IGFBP7: variants seen among roughly 807,000 people sequenced by gnomAD.
IGFBP7 encodes insulin like growth factor binding protein 7, also known as insulin-like growth factor-binding protein 7.
A neutral mutation model predicts 29.4 loss-of-function variants in IGFBP7; 31 were observed. The observed-to-expected ratio is 1.05, with a 90% CI of 0.79 to 1.42. The LOEUF is 1.42. IGFBP7 is among the 40% of genes most tolerant of loss of function. The pLI is 0.00. For synonymous variants in IGFBP7, 172 were observed against 174.9 expected (o/e 0.98, Z 0.13); for missense variants, 393 against 395.5 (o/e 0.99, Z 0.05).
chr4:57,033,412 TCTA>T lies in IGFBP7; in HGVS notation c.586-104_586-102del, dbSNP rs1723997695. On this transcript the variant is annotated intron_variant, in intron 2 of 4. Coordinates refer to ENST00000295666, the MANE Select transcript of IGFBP7 (RefSeq NM_001553.3). The stretch of plus-strand genomic sequence containing the variant: ...ATTGCACATAGTGTATGTCAGACTT[TCTA>T]ACAGAGTAAACCCAGCATTTCACTG... The T allele has an allele frequency of 7.4e-6, 6 of 806,950 alleles. No homozygotes were observed. In the Admixed American group the frequency reaches 1.0e-4, roughly 14 times the overall value. The allele number at this position is 806,950 out of a possible 1,614,324, so 50.0% of individuals were successfully genotyped here. A position where few individuals can be genotyped will look rare whatever the true frequency, so the allele number is the denominator to read the frequency against.
chr4:57,050,931 A>G (rs574115288), intron 1 of IGFBP7, among the ~76,000 whole-genome samples: 1 of 152,228 alleles, frequency 6.6e-6, no homozygotes, highest in Admixed American at 6.5e-5. Context: ...TAGATTTGCA[A>G]ACAACACTCA....
At chr4:57,076,194 AT>A (rs2109781641) in intron 1 of IGFBP7, among the ~76,000 whole-genome samples, 1 of 152,250 alleles carries the variant, frequency 6.6e-6, no homozygotes, top group South Asian at 2.1e-4. Context: ...GTCTCTTCTT[AT>A]AGCACACTAA....
intron 1 of IGFBP7, among the ~76,000 whole-genome samples, chr4:57,106,206 GC>G (rs975313949): frequency 1.8e-4 from 28 of 152,174 alleles, no homozygotes; most frequent in Admixed American, 7.8e-4. Context: ...GCGCCTGGCT[GC>G]CCATTTTTAA....
At chr4:57,038,455 C>T (rs1462152059) in intron 2 of IGFBP7, among the ~76,000 whole-genome samples, 2 of 152,116 alleles carry the variant, frequency 1.3e-5, no homozygotes, top group Admixed American at 6.6e-5. Flanking sequence ...GGATCCCGCC[C>T]CGCTTTTTGT....
intron 1 of IGFBP7, among the ~76,000 whole-genome samples, chr4:57,091,801 G>C (rs747723906): frequency 6.6e-6 from 1 of 152,164 alleles, no homozygotes; most frequent in Non-Finnish European, 1.5e-5. Flanking sequence ...GAGAAACAAG[G>C]CTTTGCCAGC....
chr4:57,038,793 G>A (rs1397856198), intron 2 of IGFBP7, among the ~76,000 whole-genome samples: 1 of 151,920 alleles, frequency 6.6e-6, no homozygotes, highest in African/African-American at 2.4e-5. Flanking sequence ...ACGACCAGGC[G>A]CGGTGGCTCA....
chr4:57,067,135 G>A (rs1301694031), intron 1 of IGFBP7, among the ~76,000 whole-genome samples: 1 of 152,100 alleles, frequency 6.6e-6, no homozygotes, highest in Non-Finnish European at 1.5e-5. Context: ...CCAAGAAGAT[G>A]TCTGCAATGA....
At position 57,033,267 on chromosome 4, in the gene IGFBP7, A is replaced by G. The variant is rs201674202; in HGVS notation, c.630T>C (p.Pro210=). ...GAATGGCCAGGTTGTCCCGGTCACC[A>G]GGCAGGAGTTCTGTCCTTTGAACTC... The part of the protein sequence containing the change: ...HYGVQRTELL[P]GDRDNLAIQT... Residue 210 remains proline (P), a synonymous_variant, in exon 3 of 5, where the codon CCT becomes CCC. Transcript: ENST00000295666. The G allele has an allele frequency of 1.9e-6, 3 of 1,614,158 alleles. No homozygotes were observed. The African/African-American group carries it at 4.0e-5, about 22-fold the overall frequency.
chr4:57,053,802 A>AT (rs1724574127), intron 1 of IGFBP7, among the ~76,000 whole-genome samples: 1 of 144,208 alleles, frequency 6.9e-6, no homozygotes, highest in African/African-American at 2.6e-5. Context: ...TTGGAAACAC[A>AT]TTTTTTCCAC....
At chr4:57,052,714 G>A (rs555388812) in intron 1 of IGFBP7, among the ~76,000 whole-genome samples, 4 of 152,280 alleles carry the variant, frequency 2.6e-5, no homozygotes, top group Non-Finnish European at 2.9e-5. Context: ...CTGCCCTGGT[G>A]ACCGCGTGCC....
At chr4:57,101,422 C>T (rs1484102874) in intron 1 of IGFBP7, among the ~76,000 whole-genome samples, 1 of 152,188 alleles carries the variant, frequency 6.6e-6, no homozygotes, top group Non-Finnish European at 1.5e-5. Flanking sequence ...GGACCAGAGG[C>T]CCCTCCCTGG....
intron 1 of IGFBP7, among the ~76,000 whole-genome samples, chr4:57,108,137 G>T (rs1261098479): frequency 3.3e-5 from 5 of 152,180 alleles, no homozygotes; most frequent in African/African-American, 1.2e-4. Context: ...TGTTTCTATT[G>T]TAAACATATG....
At chr4:57,067,261 G>GA (rs1724941078) in intron 1 of IGFBP7, among the ~76,000 whole-genome samples, 1 of 152,082 alleles carries the variant, frequency 6.6e-6, no homozygotes. Flanking sequence ...TCCTCCCAGG[G>GA]ACCCCAAAAC....
chr4:57,092,286 CAAATTGAACTTAA>C (rs1725660422), intron 1 of IGFBP7, among the ~76,000 whole-genome samples: 1 of 152,044 alleles, frequency 6.6e-6, no homozygotes. Flanking sequence ...TTTGATTGAT[CAAATTGAACTTAA>C]AAAAAGAAAA....
At chr4:57,063,461 G>C (rs1724845741) in intron 1 of IGFBP7, among the ~76,000 whole-genome samples, 1 of 152,220 alleles carries the variant, frequency 6.6e-6, no homozygotes, top group African/African-American at 2.4e-5. Context: ...GTAGTTGAGT[G>C]AACCAATGTC....
At chr4:57,080,070 G>A (rs749231270) in intron 1 of IGFBP7, among the ~76,000 whole-genome samples, 3 of 152,144 alleles carry the variant, frequency 2.0e-5, no homozygotes, top group Admixed American at 1.3e-4. Flanking sequence ...CGATTCCCAC[G>A]GTTTTCTGAG....
chr4:57,033,877 C>G (rs993988407), intron 2 of IGFBP7, among the ~76,000 whole-genome samples: 3 of 151,930 alleles, frequency 2.0e-5, no homozygotes, highest in Non-Finnish European at 2.9e-5. Context: ...ATGACAAAAC[C>G]CTGTCTCTAG....
At chr4:57,072,877 G>A in intron 1 of IGFBP7, 1 of 657,560 alleles carries the variant, frequency 1.5e-6, no homozygotes, top group Non-Finnish European at 2.9e-6. Context: ...ATGTACCCAT[G>A]GTGAAGTTCC....
intron 1 of IGFBP7, among the ~76,000 whole-genome samples, chr4:57,048,097 T>C (rs1724408921): frequency 6.7e-6 from 1 of 148,240 alleles, no homozygotes; most frequent in African/African-American, 2.5e-5. Context: ...TGTCGCCCAG[T>C]GTGGAGTGCA....
Sources: allele counts gnomAD v4.1 joint callset (sites outside exome capture counted in the v4.1 genomes callset), GRCh38; gene constraint gnomAD v4.1.1; transcripts MANE v1.5; gene names NCBI Gene and HGNC (gene_info 2026-07-23, HGNC 2026-07-21).